The following ADAMTS3 variants were observed in gnomAD, a reference collection of about 807,000 sequenced individuals.
The protein encoded by ADAMTS3 is ADAM metallopeptidase with thrombospondin type 1 motif 3.
A neutral mutation model predicts 129.0 loss-of-function variants in ADAMTS3; 73 were observed. The observed-to-expected ratio is 0.57, with a 90% CI of 0.47 to 0.69. ADAMTS3 has a LOEUF of 0.69. Ranked by LOEUF, ADAMTS3 falls within the 30% of genes least tolerant of loss-of-function variation. The pLI, the probability that ADAMTS3 is intolerant of heterozygous loss-of-function variation, is 0.00. For missense variants in ADAMTS3, 1,457 were observed against 1,514.5 expected (o/e 0.96, Z 0.63); for synonymous variants, 477 against 510.8 (o/e 0.93, Z 0.89).
intron 3 of ADAMTS3, among the ~76,000 whole-genome samples, chr4:72,461,117 C>T (rs577195847): frequency 3.3e-5 from 5 of 151,656 alleles, no homozygotes; most frequent in Middle Eastern, 6.8e-3. Flanking sequence ...GCTCCCAATA[C>T]GGGAGTCTCA....
rs1235722657 is a variant in ADAMTS3, at chr4:72,313,668, T to C, written c.1745+9A>G. 1.2e-6 allele frequency: 2 copies of C among 1,613,126 alleles called. No homozygotes were observed. Among genetic ancestry groups the C allele is most frequent in the Non-Finnish European group, 1.7e-6 (2 of 1,179,494 alleles). On this transcript the variant is annotated intron_variant, in intron 12 of 21. Transcript: ENST00000286657. ...CCAAAAATAACAAGAGTTACAAGGATATACTCACATGGGATTATTGCACTG... is the reference window on the plus strand; with the variant it reads ...CCAAAAATAACAAGAGTTACAAGGACATACTCACATGGGATTATTGCACTG...
intron 4 of ADAMTS3, among the ~76,000 whole-genome samples, chr4:72,412,226 T>C (rs1722201438): frequency 1.3e-5 from 2 of 152,036 alleles, no homozygotes; most frequent in Non-Finnish European, 2.9e-5. Context: ...AGCTTATGGA[T>C]TTTATTCCTC....
At chr4:72,430,021 A>G (rs1274479935) in intron 3 of ADAMTS3, among the ~76,000 whole-genome samples, 1 of 152,050 alleles carries the variant, frequency 6.6e-6, no homozygotes, top group Admixed American at 6.6e-5. Flanking sequence ...CGGTTTAAGT[A>G]GCAAGGCCTC....
intron 4 of ADAMTS3, among the ~76,000 whole-genome samples, chr4:72,402,644 T>A (rs1721954832): frequency 6.6e-6 from 1 of 152,088 alleles, no homozygotes. Context: ...ATCAAAAAAG[T>A]CCATGCTTAG....
intron 3 of ADAMTS3, among the ~76,000 whole-genome samples, chr4:72,426,890 T>C (rs1225553027): frequency 6.6e-6 from 1 of 151,790 alleles, no homozygotes; most frequent in East Asian, 1.9e-4. Flanking sequence ...CAAGACCCCA[T>C]CTCAAAAGAA....
At chr4:72,481,680 G>C (rs1485053553) in intron 3 of ADAMTS3, among the ~76,000 whole-genome samples, 4 of 151,754 alleles carry the variant, frequency 2.6e-5, no homozygotes, top group African/African-American at 7.3e-5. Context: ...CTGATTAATT[G>C]GACTCCATCA....
chr4:72,451,689 T>C (rs368355299), intron 3 of ADAMTS3, among the ~76,000 whole-genome samples: 7 of 151,850 alleles, frequency 4.6e-5, no homozygotes, highest in Admixed American at 2.0e-4. Flanking sequence ...AAACCCAATA[T>C]ATCTCTGACA....
In ADAMTS3 at chr4:72,283,224, C is replaced by A; in HGVS notation, c.3530G>T (p.Gly1177Val). The A allele has an allele frequency of 6.2e-7, 1 of 1,613,824 alleles. No individual in the cohort carries two copies. Among genetic ancestry groups the A allele is most frequent in the Non-Finnish European group, 8.5e-7 (1 of 1,179,928 alleles). Residue 1177 changes from glycine to valine, a missense_variant, in exon 22 of 22, where the codon GGT becomes GTT. Transcript: ENST00000286657. Reference sequence around the variant, plus strand: ...TGAGGTTCTTGCCTGAGAAGAAGCACCTATTGAATCACTGGCTGCAAAGAA... The same window carrying A: ...TGAGGTTCTTGCCTGAGAAGAAGCAACTATTGAATCACTGGCTGCAAAGAA... ...ASFFAASDSI[G>V]ASSQARTSKK...
chr4:72,527,126 A>G (rs542775961), intron 3 of ADAMTS3, among the ~76,000 whole-genome samples: 1 of 152,240 alleles, frequency 6.6e-6, no homozygotes, highest in East Asian at 1.9e-4. Context: ...TTTTCTTCTA[A>G]AAATCAAACA....
chr4:72,456,470 A>G (rs1718622909), intron 3 of ADAMTS3, among the ~76,000 whole-genome samples: 1 of 148,374 alleles, frequency 6.7e-6, no homozygotes, highest in African/African-American at 2.5e-5. Context: ...CTGCAAAATT[A>G]TACAAGTTTC....
chr4:72,543,515 A>G (rs1342295307), intron 3 of ADAMTS3, among the ~76,000 whole-genome samples: 7 of 152,146 alleles, frequency 4.6e-5, no homozygotes, highest in Non-Finnish European at 7.4e-5. Context: ...CACACATACA[A>G]TGGGATATTA....
At chr4:72,409,066 AAAAAATAAAATAAAAT>A (rs1224126517) in intron 4 of ADAMTS3, among the ~76,000 whole-genome samples, 3 of 152,060 alleles carry the variant, frequency 2.0e-5, no homozygotes, top group Non-Finnish European at 4.4e-5. Flanking sequence ...AAAGTATAAT[AAAAAATAAAATAAAAT>A]AAAAATAAAA....
chr4:72,299,366 T>G (rs1718896024), intron 17 of ADAMTS3, among the ~76,000 whole-genome samples: 1 of 151,970 alleles, frequency 6.6e-6, no homozygotes, highest in Non-Finnish European at 1.5e-5. Flanking sequence ...CAAAAAAAAG[T>G]TAAAAAAAGA....
At chr4:72,305,799 G>A (rs919313161) in intron 16 of ADAMTS3, among the ~76,000 whole-genome samples, 188 bp downstream of exon 16, 2 of 151,214 alleles carry the variant, frequency 1.3e-5, no homozygotes, top group African/African-American at 2.4e-5. Context: ...GCACATATAC[G>A]CATGCACATC....
intron 17 of ADAMTS3, among the ~76,000 whole-genome samples, chr4:72,299,079 G>GTT (rs1350864273): frequency 6.6e-6 from 1 of 151,272 alleles, no homozygotes; most frequent in Admixed American, 6.6e-5. Flanking sequence ...GTGTGTGTGT[G>GTT]TGTGTGTGTG....
intron 2 of ADAMTS3, among the ~76,000 whole-genome samples, chr4:72,552,525 T>C (rs1488812997): frequency 6.6e-6 from 1 of 152,174 alleles, no homozygotes; most frequent in Non-Finnish European, 1.5e-5. Flanking sequence ...CGAATGTGCT[T>C]CTTAACTGTT....
intron 5 of ADAMTS3, chr4:72,330,754 T>C (rs1392497126): frequency 1.3e-5 from 2 of 152,220 alleles, no homozygotes; most frequent in Non-Finnish European, 2.9e-5. Context: ...TTTCCTTTTA[T>C]GTGAATTATG....
chr4:72,458,783 A>ATCTC (rs1187364658), intron 3 of ADAMTS3, among the ~76,000 whole-genome samples: 1 of 151,582 alleles, frequency 6.6e-6, no homozygotes, highest in African/African-American at 2.4e-5. Flanking sequence ...TTTGTTGAAT[A>ATCTC]TCTCCACATA....
At chr4:72,496,280 G>C (rs1248504022) in intron 3 of ADAMTS3, among the ~76,000 whole-genome samples, 1 of 152,174 alleles carries the variant, frequency 6.6e-6, no homozygotes, top group Non-Finnish European at 1.5e-5. Context: ...TAAATTAAGT[G>C]TTCCTACTTT....
Sources: allele counts gnomAD v4.1 joint callset (sites outside exome capture counted in the v4.1 genomes callset), GRCh38; gene constraint gnomAD v4.1.1; transcripts MANE v1.5; gene names NCBI Gene and HGNC (gene_info 2026-07-23, HGNC 2026-07-21).